Variants in TENM1 observed in about 807,000 individuals in gnomAD.
TENM1 encodes teneurin-1.
A neutral mutation model predicts 174.8 loss-of-function variants in TENM1; 35 were observed. The observed-to-expected ratio is 0.20, with a 90% CI of 0.15 to 0.27. The LOEUF is 0.27. TENM1 is among the 10% of genes least tolerant of loss of function. The pLI is 1.00. For missense variants in TENM1, 1,633 were observed against 2,130.1 expected (o/e 0.77, Z 4.59); for synonymous variants, 781 against 798.7 (o/e 0.98, Z 0.37).
chrX:124,605,366 T>G (rs1028562297), intron 11 of TENM1, among the ~76,000 whole-genome samples: 17 of 108,404 alleles, frequency 1.6e-4, no homozygotes, highest in African/African-American at 5.3e-4. Flanking sequence ...ACTTTTTTCT[T>G]CTTTGGTCTA....
intron 11 of TENM1, among the ~76,000 whole-genome samples, chrX:124,605,912 G>C (rs1369541719): frequency 8.9e-6 from 1 of 111,820 alleles, no homozygotes; most frequent in Non-Finnish European, 1.9e-5. Flanking sequence ...TATTGTAGCA[G>C]TGTATATTAA....
intron 3 of TENM1, among the ~76,000 whole-genome samples, chrX:124,776,909 A>T (rs891438812): frequency 1.2e-4 from 13 of 111,344 alleles, no homozygotes; most frequent in African/African-American, 4.2e-4. Context: ...AGAACTTTTA[A>T]ATTTAGTTTT....
intron 24 of TENM1, among the ~76,000 whole-genome samples, 198 bp from the exon 28 acceptor site, chrX:124,421,019 T>C (rs1303644511): frequency 8.9e-6 from 1 of 112,402 alleles, no homozygotes; most frequent in East Asian, 2.8e-4. Context: ...CCACTGCAGA[T>C]GAACAGTAAG....
At position 124,938,959 on chromosome X, in the gene TENM1, C is replaced by T. The variant is rs371164014; in HGVS notation, c.217+24578G>A. Among the ~76,000 whole-genome samples the T allele has an allele frequency of 4.5e-5, 5 of 111,364 alleles. No individual in the cohort carries two copies. The South Asian group carries it at 1.1e-3, about 25-fold the overall frequency. On this transcript the variant is annotated intron_variant, in intron 1 of 31. Coordinates refer to ENST00000422452, the Ensembl canonical transcript of TENM1. ...CATTGATTTTCTTCTTCAGTGCCAT[C>T]CCTGGGAAAAAAGCCAATGTTTAAT... is the stretch of plus-strand genomic sequence containing the variant.
At chrX:124,497,230 T>C (rs773360452) in exon 20 of TENM1, 1 of 1,206,523 alleles carries the variant, frequency 8.3e-7, no homozygotes, top group African/African-American at 1.8e-5. Flanking sequence ...TGCTGGGAAA[T>C]GAACATATTT....
At position 124,692,793 on chromosome X, in the gene TENM1, G is replaced by A. The variant is rs1356648874; in HGVS notation, c.1015+12220C>T. 2.8e-5 allele frequency among the ~76,000 whole-genome samples: 3 copies of A among 108,544 alleles called. No individual in the cohort carries two copies. In the East Asian group the frequency reaches 8.7e-4, roughly 31 times the overall value. 94.3% of individuals were successfully genotyped at this position (108,544 alleles called of 115,157 possible). The stretch of plus-strand genomic sequence containing the variant: ...AGTCTGAGGTGGACGGATCACCTGA[G>A]GTCGGGAGTTCGAGACCAGCCTTAC... On this transcript the variant is annotated intron_variant, in intron 5 of 31. Transcript: ENST00000422452.
At chrX:124,929,715 G>C (rs1214463933) in intron 1 of TENM1, among the ~76,000 whole-genome samples, 1 of 111,689 alleles carries the variant, frequency 9.0e-6, no homozygotes, top group East Asian at 2.8e-4. Context: ...TTAGTTTTCT[G>C]ACATGGCTTT....
chrX:124,744,823 C>A lies in TENM1; in HGVS notation c.536-7626G>T, dbSNP rs150163143. Among the ~76,000 whole-genome samples, 575 of 111,211 alleles carry A rather than the reference C, an allele frequency of 5.2e-3. 6 individuals carry two copies. Among genetic ancestry groups the A allele is most frequent in the African/African-American group, 0.018 (541 of 30,668 alleles). On this transcript the variant is annotated intron_variant, in intron 3 of 31. Coordinates refer to ENST00000422452, the Ensembl canonical transcript of TENM1. ...ATTTATAAAGTTTTCATTTTCAGGG[C>A]TTTATTTTTATTACACTGTTATAAA...
At chrX:124,487,788 G>A (rs917514873) in intron 20 of TENM1, among the ~76,000 whole-genome samples, 4 of 111,686 alleles carry the variant, frequency 3.6e-5, no homozygotes, top group Non-Finnish European at 5.6e-5. Context: ...TGTGTGTACA[G>A]ACAGACATCC....
At position 124,442,985 on chromosome X, in the gene TENM1, GTT is replaced by G. The variant is rs66767133; in HGVS notation, c.4104+10350_4104+10351del. On this transcript the variant is annotated intron_variant, in intron 23 of 31. Transcript: ENST00000422452. ...AGCCCTCTTCTGCTTTAAAACTACT[GTT>G]TTTTTTTTTCTTTTTTTTCCACCCA... 9.8e-5 allele frequency among the ~76,000 whole-genome samples: 9 copies of G among 91,519 alleles called. No homozygotes were observed. In the East Asian group the frequency reaches 1.0e-3, roughly 10 times the overall value. 79.5% of individuals were successfully genotyped at this position (91,519 alleles called of 115,157 possible).
chrX:124,987,587 T>C, the TENM1 span, among the ~76,000 whole-genome samples: 1 of 111,035 alleles, frequency 9.0e-6, no homozygotes, highest in East Asian at 2.8e-4. Flanking sequence ...AATCTGTGTG[T>C]TAAAAGGACC....
At chrX:124,467,431 GTC>G (rs1375561548) in intron 22 of TENM1, among the ~76,000 whole-genome samples, 1 of 111,730 alleles carries the variant, frequency 9.0e-6, no homozygotes, top group African/African-American at 3.3e-5. Flanking sequence ...GAAGTTCACT[GTC>G]AGCCATTTAG....
the TENM1 span, among the ~76,000 whole-genome samples, chrX:124,984,237 C>A: frequency 8.9e-6 from 1 of 111,845 alleles, no homozygotes; most frequent in Non-Finnish European, 1.9e-5. Context: ...CCCTTTATTA[C>A]CACTCCAAAT....
In TENM1 at chrX:124,502,844, C is replaced by G. The variant is rs1035534453; in HGVS notation, c.3445+716G>C. On this transcript the variant is annotated intron_variant, in intron 19 of 31. Transcript: ENST00000422452. Reference sequence around the variant, plus strand: ...AGCTTTGCCATTCAAAGTTTCTCAGCCTGTGGGGCTGGTTGACATAGCTGA... The same window carrying G: ...AGCTTTGCCATTCAAAGTTTCTCAGGCTGTGGGGCTGGTTGACATAGCTGA... 4.5e-5 allele frequency among the ~76,000 whole-genome samples: 5 copies of G among 111,894 alleles called. No homozygotes were observed. The Admixed American group carries it at 4.7e-4, about 11-fold the overall frequency.
chrX:124,527,518 C>T (rs1215339527), intron 16 of TENM1, among the ~76,000 whole-genome samples: 1 of 110,896 alleles, frequency 9.0e-6, no homozygotes, highest in Non-Finnish European at 1.9e-5. Flanking sequence ...GCACTGTGGC[C>T]GACTGGAGGG....
intron 3 of TENM1, 134 bp from the exon 7 acceptor site, chrX:124,737,331 G>T: frequency 2.8e-6 from 2 of 702,057 alleles, no homozygotes; most frequent in Non-Finnish European, 2.0e-6. Context: ...TTTAAGTTCA[G>T]TCTATCTGTA....
intron 1 of TENM1, among the ~76,000 whole-genome samples, chrX:124,961,557 T>G (rs2058653863): frequency 9.0e-6 from 1 of 111,025 alleles, no homozygotes. Flanking sequence ...GGCACGAGAA[T>G]CACTTGAGCC....
intron 23 of TENM1, among the ~76,000 whole-genome samples, chrX:124,447,042 C>T (rs767101026): frequency 7.2e-5 from 8 of 111,242 alleles, no homozygotes; most frequent in Admixed American, 2.9e-4. Context: ...TGCCCTCACC[C>T]GTCAATATAT....
At chrX:124,927,675 A>G (rs774323915) in intron 1 of TENM1, among the ~76,000 whole-genome samples, 1 of 111,506 alleles carries the variant, frequency 9.0e-6, no homozygotes, top group Non-Finnish European at 1.9e-5. Flanking sequence ...TCTGGAAAAT[A>G]CCAAAGCTTG....
Sources: allele counts gnomAD v4.1 joint callset (sites outside exome capture counted in the v4.1 genomes callset), GRCh38; gene constraint gnomAD v4.1.1; transcripts MANE v1.5; gene names NCBI Gene and HGNC (gene_info 2026-07-23, HGNC 2026-07-21).